Variants in MCTP2 observed in about 807,000 individuals in gnomAD.
The protein encoded by MCTP2 is multiple C2 and transmembrane domain-containing protein 2.
Under a neutral mutation model 111.6 loss-of-function variants are expected in MCTP2, and 132 were observed. That is an observed-to-expected ratio of 1.18 (90% CI 1.03 to 1.37). The LOEUF (loss-of-function observed/expected upper bound fraction) is 1.37. Ranked by LOEUF, MCTP2 falls within the 40% of genes most tolerant of loss-of-function variation. The pLI is 0.00. For missense variants in MCTP2, 1,183 were observed against 1,067.9 expected (o/e 1.11, Z -1.50); for synonymous variants, 395 against 387.7 (o/e 1.02, Z -0.22).
chr15:94,330,405 G>A (rs11854798), intron 4 of MCTP2, among the ~76,000 whole-genome samples: 5,630 of 152,194 alleles, frequency 0.037, 346 homozygotes, highest in African/African-American at 0.13. Context: ...GTAATAATGG[G>A]TTTCTGGAAC....
At chr15:94,413,981 A>G (rs982821074) in intron 17 of MCTP2, among the ~76,000 whole-genome samples, 1 of 152,174 alleles carries the variant, frequency 6.6e-6, no homozygotes, top group African/African-American at 2.4e-5. Flanking sequence ...TCTAAAGGAT[A>G]AAACTAATTT....
At chr15:94,400,749 T>C (rs1025962115) in intron 16 of MCTP2, among the ~76,000 whole-genome samples, 7 of 152,100 alleles carry the variant, frequency 4.6e-5, no homozygotes, top group African/African-American at 1.7e-4. Flanking sequence ...TTTCAAGAGT[T>C]TATTACTTCC....
At chr15:94,445,750 G>C (rs1567722794) in intron 19 of MCTP2, among the ~76,000 whole-genome samples, 2 of 152,150 alleles carry the variant, frequency 1.3e-5, no homozygotes, top group African/African-American at 4.8e-5. Flanking sequence ...ATGCTTCTGG[G>C]AACTGTAACA....
Position 94,432,611 on chromosome 15 carries a change from G to C in MCTP2, c.2086-7565G>C, listed in dbSNP as rs1217629276. Among the ~76,000 whole-genome samples the C allele has an allele frequency of 1.3e-5, 2 of 152,066 alleles. 1 individual carries two copies. The highest frequency in any genetic ancestry group is 3.9e-4 in the East Asian group (2 of 5,192). ...AATGAAATATATTTATTCAAATGAG[G>C]CTCTTGATTTCATTGTTCAGTTTTT... On this transcript the variant is annotated intron_variant, in intron 17 of 22. Transcript: ENST00000357742.
intron 19 of MCTP2, among the ~76,000 whole-genome samples, chr15:94,450,492 G>T (rs2084377716): frequency 6.6e-6 from 1 of 152,152 alleles, no homozygotes; most frequent in African/African-American, 2.4e-5. Context: ...AAATATTGCT[G>T]CTTGTTCTTT....
In MCTP2 at chr15:94,367,548, C is replaced by G. The variant is rs116264031; in HGVS notation, c.1302-57C>G. 3,998 of 1,375,564 alleles carry G rather than the reference C, an allele frequency of 2.9e-3. 101 individuals are homozygous for G. In the African/African-American group the frequency reaches 0.05, roughly 17 times the overall value. 85.2% of individuals were successfully genotyped at this position (1,375,564 alleles called of 1,614,324 possible). Reference sequence around the variant, plus strand: ...ATCAAAGCCAGGTGCTTTGGAGGTACTGCAGTGGCCTTGAATTAATCACTT... The same window carrying G: ...ATCAAAGCCAGGTGCTTTGGAGGTAGTGCAGTGGCCTTGAATTAATCACTT... On this transcript the variant is annotated intron_variant, in intron 10 of 22. Coordinates refer to ENST00000357742, the MANE Select transcript of MCTP2 (RefSeq NM_001385001.1).
At chr15:94,428,519 G>A (rs1337204401) in intron 17 of MCTP2, among the ~76,000 whole-genome samples, 1 of 151,662 alleles carries the variant, frequency 6.6e-6, no homozygotes, top group Non-Finnish European at 1.5e-5. Flanking sequence ...GGGGAAGGGG[G>A]GCTTCCTATA....
rs557057756 is a variant in MCTP2 at position 94,245,404 on chromosome 15, A to T, written c.-66+13740A>T. ...TATATGTATTTATATACATGTGTGT[A>T]TATATTTATATACATGTGTGTATAT... is the stretch of plus-strand genomic sequence containing the variant. On this transcript the variant is annotated intron_variant, in intron 1 of 22. Coordinates refer to ENST00000357742, the MANE Select transcript of MCTP2 (RefSeq NM_001385001.1). Among the ~76,000 whole-genome samples the T allele has an allele frequency of 1.5e-4, 8 of 52,926 alleles. No individual in the cohort carries two copies. In the South Asian group the frequency reaches 1.7e-3, roughly 12 times the overall value. 34.7% of individuals were successfully genotyped at this position (52,926 alleles called of 152,430 possible). A position where few individuals can be genotyped will look rare whatever the true frequency, so the allele number is the denominator to read the frequency against.
intron 17 of MCTP2, among the ~76,000 whole-genome samples, chr15:94,405,876 G>A (rs879449943): frequency 1.3e-5 from 2 of 151,998 alleles, no homozygotes; most frequent in Non-Finnish European, 2.9e-5. Context: ...ATTAAATTAA[G>A]GATATATTTT....
At chr15:94,248,318 C>G (rs1304894867) in intron 1 of MCTP2, among the ~76,000 whole-genome samples, 1 of 152,184 alleles carries the variant, frequency 6.6e-6, no homozygotes, top group Non-Finnish European at 1.5e-5. Context: ...TGTTATACTT[C>G]ACACAGGCAT....
chr15:94,453,174 G>A (rs555383553), intron 19 of MCTP2, among the ~76,000 whole-genome samples: 1 of 152,168 alleles, frequency 6.6e-6, no homozygotes, highest in African/African-American at 2.4e-5. Context: ...TTCAATTTAA[G>A]CTTTCAGCTG....
chr15:94,244,050 GTA>G (rs1371269643), intron 1 of MCTP2, among the ~76,000 whole-genome samples: 1 of 145,054 alleles, frequency 6.9e-6, no homozygotes, highest in Non-Finnish European at 1.5e-5. Flanking sequence ...GCACACATAT[GTA>G]TACACATACA....
intron 10 of MCTP2, among the ~76,000 whole-genome samples, chr15:94,366,899 GT>G (rs2079212488): frequency 6.6e-6 from 1 of 152,096 alleles, no homozygotes. Flanking sequence ...TGTGTTTGAG[GT>G]TTTCAACATC....
chr15:94,399,734 G>T, intron 15 of MCTP2, 187 bp from the exon 16 acceptor site: 1 of 577,546 alleles, frequency 1.7e-6, no homozygotes. Flanking sequence ...ACCCATGCCA[G>T]GGACTCTTAT....
rs530460649 is a variant in MCTP2, at chr15:94,275,488, A to G, written c.-65-22713A>G. Among the ~76,000 whole-genome samples, 18 of 152,344 alleles carry G rather than the reference A, an allele frequency of 1.2e-4. No individual in the cohort carries two copies. In the South Asian group the frequency reaches 3.5e-3, roughly 30 times the overall value. On this transcript the variant is annotated intron_variant, in intron 1 of 22. Transcript: ENST00000357742. ...AAAAATGTCTATACTGAAAATTTCA[A>G]AAGATAATTGAGATAAATTTTAAAG... is the stretch of plus-strand genomic sequence containing the variant.
At chr15:94,245,420 G>T (rs1426952034) in intron 1 of MCTP2, among the ~76,000 whole-genome samples, 10 of 76,754 alleles carry the variant, frequency 1.3e-4, no homozygotes, top group African/African-American at 4.7e-4. Context: ...TTATATACAT[G>T]TGTGTATATA....
chr15:94,361,027 C>T (rs2078904085), intron 10 of MCTP2, among the ~76,000 whole-genome samples: 2 of 134,414 alleles, frequency 1.5e-5, no homozygotes, highest in African/African-American at 5.5e-5. Flanking sequence ...AGCATATGTA[C>T]ATCACTGACA....
intron 12 of MCTP2, among the ~76,000 whole-genome samples, chr15:94,378,489 T>C (rs539791967): frequency 6.6e-6 from 1 of 152,282 alleles, no homozygotes; most frequent in South Asian, 2.1e-4. Flanking sequence ...GATTGCACCA[T>C]TGCACTCCAA....
Position 94,312,376 on chromosome 15 carries a change from A to G in MCTP2, c.466-1906A>G, listed in dbSNP as rs80119302. On this transcript the variant is annotated intron_variant, in intron 2 of 22. Transcript: ENST00000357742. ...AACTCACCTGGGGGTCCTTTTATAC[A>G]TAACACATGCAGGAGATACCAAGAA... 7.2e-3 allele frequency among the ~76,000 whole-genome samples: 1,099 copies of G among 152,344 alleles called. 13 individuals carry two copies. Among genetic ancestry groups the G allele is most frequent in the African/African-American group, 0.025 (1,048 of 41,572 alleles).
Sources: gnomAD v4.1 joint callset for allele counts (sites outside exome capture counted in the v4.1 genomes callset) on GRCh38, gnomAD v4.1.1 for gene constraint, MANE v1.5 for transcripts, NCBI Gene and HGNC (gene_info 2026-07-23, HGNC 2026-07-21) for gene names.